CTNNB1: variants seen among roughly 807,000 people sequenced by gnomAD.
CTNNB1 encodes the protein catenin beta 1, also known as catenin beta-1.
In CTNNB1, 6 loss-of-function variants were observed where a neutral mutation model predicts 82.5. That is an observed-to-expected ratio of 0.07 (90% confidence interval 0.04 to 0.14). The LOEUF is 0.14. Among genes scored for constraint, CTNNB1 ranks in the 10% least tolerant of loss-of-function variants. The pLI is 1.00. For synonymous variants in CTNNB1, 312 were observed against 329.7 expected (o/e 0.95, Z 0.58); for missense variants, 529 against 980.4 (o/e 0.54, Z 6.15).
intron 7 of CTNNB1, 124 bp from the exon 8 acceptor site, chr3:41,233,217 T>A (rs2078351543): frequency 1.2e-6 from 1 of 816,560 alleles, no homozygotes; most frequent in South Asian, 1.5e-5. Context: ...AATCAAATAC[T>A]TAGGTGAAAG....
At chr3:41,208,510 C>T (rs2077701229) in intron 1 of CTNNB1, among the ~76,000 whole-genome samples, 1 of 152,244 alleles carries the variant, frequency 6.6e-6, no homozygotes, top group Admixed American at 6.5e-5. Flanking sequence ...GTAAATACGT[C>T]AGTTCCAACA....
chr3:41,233,070 T>C, intron 7 of CTNNB1: 1 of 544,404 alleles, frequency 1.8e-6, no homozygotes, highest in African/African-American at 1.9e-5. Context: ...AATAAGAATA[T>C]TACCTAAGGG....
chr3:41,221,988 A>T (rs1419081634), intron 1 of CTNNB1: 1 of 151,860 alleles, frequency 6.6e-6, no homozygotes, highest in East Asian at 1.9e-4. Context: ...ATTTATGGAG[A>T]TACTAAATTG....
chr3:41,204,488 A>T (rs1040313548), intron 1 of CTNNB1, among the ~76,000 whole-genome samples: 2 of 152,224 alleles, frequency 1.3e-5, no homozygotes, highest in African/African-American at 2.4e-5. Context: ...TTGTAGTGGG[A>T]ATGGCTACTC....
In CTNNB1 at chr3:41,225,522, A is replaced by G. The variant is rs2125623308; in HGVS notation, c.684A>G (p.Leu228=). 1 of 1,614,118 alleles carries G rather than the reference A, an allele frequency of 6.2e-7. No individual in the cohort carries two copies. The highest frequency in any genetic ancestry group is 8.5e-7 in the Non-Finnish European group (1 of 1,179,990). ...LHNLSHHREG[L]LAIFKSGGIP... ...ACCTTTCCCATCATCGTGAGGGCTTACTGGCCATCTTTAAGTCTGGAGGCA... is the reference window on the plus strand; with the variant it reads ...ACCTTTCCCATCATCGTGAGGGCTTGCTGGCCATCTTTAAGTCTGGAGGCA... The change falls in exon 5 of 15, where the codon TTA becomes TTG. Residue 228 remains leucine, a synonymous_variant. Coordinates refer to ENST00000349496, the MANE Select transcript of CTNNB1 (RefSeq NM_001904.4). The surrounding 1 kb of genome is among the most constrained non-coding windows in gnomAD (Gnocchi z 5.3).
At chr3:41,211,091 C>G in intron 1 of CTNNB1, 1 of 456,476 alleles carries the variant, frequency 2.2e-6, no homozygotes, top group Non-Finnish European at 4.4e-6. Context: ...CCATGTCTGG[C>G]CCACTGTACT....
intron 7 of CTNNB1, among the ~76,000 whole-genome samples, chr3:41,229,904 G>C (rs537728245): frequency 1.3e-5 from 2 of 151,750 alleles, no homozygotes; most frequent in African/African-American, 2.4e-5. Context: ...GTGTGTGTGT[G>C]TGTCATGAAA....
intron 1 of CTNNB1, among the ~76,000 whole-genome samples, chr3:41,213,466 C>T (rs2077843601): frequency 6.6e-6 from 1 of 152,138 alleles, no homozygotes; most frequent in Non-Finnish European, 1.5e-5. Flanking sequence ...TTGCTGTCTC[C>T]CTCTCAAGAA....
At chr3:41,231,597 G>C (rs1201694634) in intron 7 of CTNNB1, among the ~76,000 whole-genome samples, 1 of 152,172 alleles carries the variant, frequency 6.6e-6, no homozygotes, top group Non-Finnish European at 1.5e-5. Context: ...CGGTTCCTCA[G>C]GGTTATACTA....
chr3:41,236,914 T>G, intron 13 of CTNNB1: 1 of 624,332 alleles, frequency 1.6e-6, no homozygotes, highest in Non-Finnish European at 2.8e-6. Context: ...TCATTACAAA[T>G]AAGTTGTGTT....
intron 2 of CTNNB1, 122 bp from the exon 3 acceptor site, chr3:41,224,404 C>A: frequency 1.9e-6 from 2 of 1,069,976 alleles, no homozygotes; most frequent in Non-Finnish European, 2.8e-6. Context: ...CTTTTCTTGG[C>A]TGTCTTTCAG....
chr3:41,207,617 A>T (rs1559455771), intron 1 of CTNNB1, among the ~76,000 whole-genome samples: 1 of 152,182 alleles, frequency 6.6e-6, no homozygotes, highest in Non-Finnish European at 1.5e-5. Context: ...TTGTTACTTT[A>T]GTTACACTGG....
At chr3:41,205,120 T>C (rs2077619832) in intron 1 of CTNNB1, among the ~76,000 whole-genome samples, 1 of 152,220 alleles carries the variant, frequency 6.6e-6, no homozygotes, top group Non-Finnish European at 1.5e-5. Flanking sequence ...AAACTTAATC[T>C]GAAGGGACGT....
At position 41,225,627 on chromosome 3, in the gene CTNNB1, A is replaced by G. The variant is rs777661896; in HGVS notation, c.735-33A>G. 5 of 1,613,800 alleles carry G rather than the reference A, an allele frequency of 3.1e-6. No homozygotes were observed. The East Asian group carries it at 6.7e-5, about 22-fold the overall frequency. ...TAAAAAGTAGAAGAGTATACTCACA[A>G]TATTTCTGATGAGGCTTTTTTCTTC... On this transcript the variant is annotated intron_variant, in intron 5 of 14. Transcript: ENST00000349496. The surrounding 1 kb of genome is among the most constrained non-coding windows in gnomAD (Gnocchi z 5.3).
At chr3:41,209,538 G>A (rs1490664183) in intron 1 of CTNNB1, among the ~76,000 whole-genome samples, 1 of 152,132 alleles carries the variant, frequency 6.6e-6, no homozygotes, top group African/African-American at 2.4e-5. Context: ...ATAAAGTCAC[G>A]TGTCATTTTA....
rs757499487 is a variant in CTNNB1, at chr3:41,225,516, G to A, written c.678G>A (p.Glu226=). 2.9e-5 allele frequency: 46 copies of A among 1,613,982 alleles called. No individual in the cohort carries two copies. The highest frequency in any genetic ancestry group is 3.1e-5 in the Non-Finnish European group (36 of 1,180,014). The part of the protein sequence containing the change: ...GTLHNLSHHR[E]GLLAIFKSGG... ...TGCATAACCTTTCCCATCATCGTGA[G>A]GGCTTACTGGCCATCTTTAAGTCTG... The change falls in exon 5 of 15, where the codon GAG becomes GAA. Residue 226 remains glutamate, a synonymous_variant. Coordinates refer to ENST00000349496, the MANE Select transcript of CTNNB1 (RefSeq NM_001904.4). The surrounding 1 kb of genome is among the most constrained non-coding windows in gnomAD (Gnocchi z 5.3).
intron 7 of CTNNB1, among the ~76,000 whole-genome samples, chr3:41,228,428 G>A (rs1157285009): frequency 1.3e-5 from 2 of 152,070 alleles, no homozygotes; most frequent in African/African-American, 4.8e-5. Context: ...GGTGTGAGAC[G>A]GTATCTCATT....
intron 7 of CTNNB1, among the ~76,000 whole-genome samples, chr3:41,232,182 A>C (rs375140667): frequency 1.3e-5 from 2 of 152,190 alleles, no homozygotes; most frequent in East Asian, 1.9e-4. Flanking sequence ...TGTGTGTTTT[A>C]AAGTCTCTGT....
chr3:41,237,941 TA>T (rs990960935), intron 13 of CTNNB1, 74 bp from the exon 14 acceptor site: 26 of 1,245,492 alleles, frequency 2.1e-5, no homozygotes, highest in Non-Finnish European at 2.7e-5. Flanking sequence ...AAGTATGCTT[TA>T]AAAAAAATTA....
Sources: gnomAD v4.1 joint callset for allele counts (sites outside exome capture counted in the v4.1 genomes callset) on GRCh38, gnomAD v4.1.1 for gene constraint, Gnocchi (gnomAD v3.1) non-coding constraint, MANE v1.5 for transcripts, NCBI Gene and HGNC (gene_info 2026-07-23, HGNC 2026-07-21) for gene names.